Variants in DCHS2 observed in about 807,000 individuals in gnomAD.
DCHS2 encodes protocadherin-23.
DCHS2 carries 142 observed loss-of-function variants against 182.4 expected under a neutral mutation model. That is an observed-to-expected ratio of 0.78 (90% CI 0.68 to 0.89). The LOEUF is 0.89. Ranked by LOEUF, DCHS2 falls within the 40% of genes least tolerant of loss-of-function variation. The pLI is 0.00. For missense variants in DCHS2, 4,319 were observed against 4,198.6 expected (o/e 1.03, Z -0.79); for synonymous variants, 1,740 against 1,663.3 (o/e 1.05, Z -1.12).
chr4:154,417,331 T>C (rs1732909970), intron 1 of DCHS2, among the ~76,000 whole-genome samples: 1 of 151,944 alleles, frequency 6.6e-6, no homozygotes. Flanking sequence ...TTTTTGACAG[T>C]TTAATGTTCA....
intron 13 of DCHS2, among the ~76,000 whole-genome samples, chr4:154,290,847 A>T (rs1734626808): frequency 6.6e-6 from 1 of 152,134 alleles, no homozygotes; most frequent in African/African-American, 2.4e-5. Flanking sequence ...AAAAGAAAAC[A>T]TTGGGGAAAC....
At chr4:154,436,675 C>G (rs1733794607) in intron 1 of DCHS2, among the ~76,000 whole-genome samples, 1 of 152,064 alleles carries the variant, frequency 6.6e-6, no homozygotes, top group Admixed American at 6.5e-5. Flanking sequence ...ACCAGCATGT[C>G]CAGATTTTTA....
chr4:154,422,744 C>A (rs1733164549), intron 1 of DCHS2, among the ~76,000 whole-genome samples: 1 of 152,174 alleles, frequency 6.6e-6, no homozygotes, highest in Non-Finnish European at 1.5e-5. Context: ...TGCTCCATTC[C>A]ACTAGCCTGT....
chr4:154,249,226 TAAATC>T (rs1043169961), intron 16 of DCHS2, among the ~76,000 whole-genome samples: 2 of 151,908 alleles, frequency 1.3e-5, no homozygotes, highest in Non-Finnish European at 2.9e-5. Context: ...ACAAGGAACT[TAAATC>T]AACAAGCAAA....
At chr4:154,397,956 G>A (rs1424575294) in intron 1 of DCHS2, among the ~76,000 whole-genome samples, 2 of 152,276 alleles carry the variant, frequency 1.3e-5, no homozygotes, top group South Asian at 2.1e-4. Flanking sequence ...AAGGAAAATG[G>A]CAAGTGAGGG....
intron 1 of DCHS2, among the ~76,000 whole-genome samples, chr4:154,484,641 A>C (rs4696590): frequency 0.91 from 138,353 of 152,044 alleles, 64,318 homozygotes; most frequent in East Asian, 1. Context: ...CAGTAAGATT[A>C]AAATAACCTG....
Position 154,320,454 on chromosome 4 carries a change from C to T in DCHS2, c.4945G>A (p.Gly1649Arg), listed in dbSNP as rs781729354. ...HHITAHDPDE[G>R]RNGKVTYSIL... ...CTGTATGTTACTTTTCCATTCCTTC[C>T]TTCGTCTGGATCGTGAGCAGTTATG... The change falls in exon 9 of 20, where the codon GGA (glycine) becomes AGA (arginine). Residue 1649 changes from glycine (G) to arginine (R), a missense_variant. Transcript: ENST00000357232. 1.9e-6 allele frequency: 3 copies of T among 1,614,086 alleles called. No individual in the cohort carries two copies. In the South Asian group the frequency reaches 3.3e-5, roughly 18 times the overall value.
At chr4:154,283,268 C>T (rs75414573) in intron 13 of DCHS2, among the ~76,000 whole-genome samples, 3,118 of 152,036 alleles carry the variant, frequency 0.021, 111 homozygotes, top group African/African-American at 0.072. Flanking sequence ...TTAAAAAAAT[C>T]ACTCCTGATG....
At chr4:154,255,989 G>C (rs1171788545) in intron 15 of DCHS2, among the ~76,000 whole-genome samples, 2 of 152,044 alleles carry the variant, frequency 1.3e-5, no homozygotes, top group African/African-American at 2.4e-5. Flanking sequence ...AGTTCCAATA[G>C]TGTATATGAA....
Position 154,232,231 on chromosome 4 carries a change from A to G in DCHS2, c.*2305T>C, listed in dbSNP as rs892413605. 2.0e-5 allele frequency: 3 copies of G among 152,122 alleles called. No homozygotes were observed. The highest frequency in any genetic ancestry group is 4.4e-5 in the Non-Finnish European group (3 of 68,020). 9.4% of individuals were successfully genotyped at this position (152,122 alleles called of 1,614,324 possible). A position where few individuals can be genotyped will look rare whatever the true frequency, so the allele number is the denominator to read the frequency against. ...GTACAAATTATATTGTTTACTTAGGAAAAAAAGCACTCTAGTTGAAAGAGC... is the reference window on the plus strand; with the variant it reads ...GTACAAATTATATTGTTTACTTAGGGAAAAAAGCACTCTAGTTGAAAGAGC... On this transcript the variant is annotated 3_prime_UTR_variant, in exon 20 of 20. Transcript: ENST00000357232.
Position 154,491,084 on chromosome 4 carries a change from G to C in DCHS2, c.272C>G (p.Pro91Arg), listed in dbSNP as rs764195195. 4.5e-6 allele frequency: 7 copies of C among 1,551,322 alleles called. No individual in the cohort carries two copies. In the Admixed American group the frequency reaches 1.2e-4, roughly 26 times the overall value. Residue 91 changes from proline to arginine, a missense_variant, in exon 1 of 20, where the codon CCG becomes CGG. By Grantham distance (103) the Pro-to-Arg change is moderately radical (BLOSUM62 -2). Transcript: ENST00000357232. The stretch of plus-strand genomic sequence containing the variant: ...GCTCCCCTCCTGCTGCTGCGCGGCC[G>C]GCAGCCCGGCGCGGATGTCACCTAC... ...TLVGDIRAGL[P>R]AAQQQEGSGF...
intron 1 of DCHS2, among the ~76,000 whole-genome samples, chr4:154,420,716 G>A (rs1390629303): frequency 6.6e-6 from 1 of 152,018 alleles, no homozygotes; most frequent in Non-Finnish European, 1.5e-5. Context: ...TTCCTTACTC[G>A]GTCCACTGAT....
chr4:154,285,345 A>G (rs62330253), intron 13 of DCHS2, among the ~76,000 whole-genome samples: 19,831 of 152,038 alleles, frequency 0.13, 1,534 homozygotes, highest in South Asian at 0.21. Context: ...GCTAGAGAAA[A>G]AGAGAGGGAA....
intron 1 of DCHS2, among the ~76,000 whole-genome samples, chr4:154,472,544 A>C (rs776005452): frequency 6.6e-6 from 1 of 152,218 alleles, no homozygotes; most frequent in Non-Finnish European, 1.5e-5. Context: ...AACTTTTGGC[A>C]TACACAACAT....
Position 154,377,395 on chromosome 4 carries a change from G to T in DCHS2, c.2102C>A (p.Ser701Tyr), listed in dbSNP as rs949913153. ...DSGLYGFIEY[S>Y]LYDGFLSYEA... ...ATAGCTCAGGAATCCATCATAAAGAGAATATTCAATAAAGCCATAGAGTCC... is the reference window on the plus strand; with the variant it reads ...ATAGCTCAGGAATCCATCATAAAGATAATATTCAATAAAGCCATAGAGTCC... Residue 701 changes from serine (S) to tyrosine (Y), a missense_variant, in exon 2 of 20, where the codon TCT becomes TAT. Ser to Tyr is a moderately radical substitution (Grantham distance 144). Coordinates refer to ENST00000357232, the MANE Select transcript of DCHS2 (RefSeq NM_001358235.2). 6.2e-7 allele frequency: 1 copy of T among 1,613,476 alleles called. No homozygotes were observed. Among genetic ancestry groups the T allele is most frequent in the South Asian group, 1.1e-5 (1 of 91,046 alleles).
At chr4:154,470,487 C>CAAAAAA (rs11404069) in intron 1 of DCHS2, among the ~76,000 whole-genome samples, 1 of 143,316 alleles carries the variant, frequency 7.0e-6, no homozygotes. Context: ...GACCCTGTCT[C>CAAAAAA]AAAAAAAAAA....
chr4:154,486,543 G>C (rs1728593552), intron 1 of DCHS2: 1 of 1,302,938 alleles, frequency 7.7e-7, no homozygotes, highest in African/African-American at 1.5e-5. Flanking sequence ...AAAACTTGTA[G>C]ATGGCAACAG....
chr4:154,481,827 T>G (rs1239481895), intron 1 of DCHS2, among the ~76,000 whole-genome samples: 2 of 152,194 alleles, frequency 1.3e-5, no homozygotes, highest in Non-Finnish European at 2.9e-5. Context: ...AAATTTAAAC[T>G]TGGGTATGTT....
chr4:154,320,360 G>C lies in DCHS2; in HGVS notation c.5020+19C>G. The C allele has an allele frequency of 1.3e-6, 2 of 1,584,546 alleles. No homozygotes were observed. Among genetic ancestry groups the C allele is most frequent in the Non-Finnish European group, 1.7e-6 (2 of 1,167,856 alleles). ...AATAAAATAAAATATTTTTAAAAGTGACATATAGGGCACTGTACCTGATGA... is the reference window on the plus strand; with the variant it reads ...AATAAAATAAAATATTTTTAAAAGTCACATATAGGGCACTGTACCTGATGA... On this transcript the variant is annotated intron_variant, in intron 9 of 19. Coordinates refer to ENST00000357232, the MANE Select transcript of DCHS2 (RefSeq NM_001358235.2).
Sources: allele counts gnomAD v4.1 joint callset (sites outside exome capture counted in the v4.1 genomes callset), GRCh38; gene constraint gnomAD v4.1.1; transcripts MANE v1.5; gene names NCBI Gene and HGNC (gene_info 2026-07-23, HGNC 2026-07-21).